Variants in GPR155 observed in about 807,000 individuals in gnomAD.
GPR155 encodes G protein-coupled receptor 155.
Under a neutral mutation model 93.1 loss-of-function variants are expected in GPR155, and 65 were observed. That is an observed-to-expected ratio of 0.70 (90% CI 0.57 to 0.86). The LOEUF is 0.86. Ranked by LOEUF, GPR155 falls within the 40% of genes least tolerant of loss-of-function variation. The pLI is 0.00. For missense variants in GPR155, 838 were observed against 1,034.8 expected (o/e 0.81, Z 2.61); for synonymous variants, 319 against 360.1 (o/e 0.89, Z 1.29).
Position 174,434,332 on chromosome 2 carries a change from G to A in GPR155, c.*1784C>T, listed in dbSNP as rs748002745. On this transcript the variant is annotated 3_prime_UTR_variant, in exon 16 of 16. Coordinates refer to ENST00000392552, the MANE Select transcript of GPR155 (RefSeq NM_152529.7). ...TAGTTTTTTTTTTTTTAACTACAGG[G>A]AATAAAGTAGAAGTTATCCTGCATT... 4.6e-5 allele frequency: 7 copies of A among 150,934 alleles called. No individual in the cohort carries two copies. Among genetic ancestry groups the A allele is most frequent in the Non-Finnish European group, 1.0e-4 (7 of 67,770 alleles). 9.3% of individuals were successfully genotyped at this position (150,934 alleles called of 1,614,324 possible). A position where few individuals can be genotyped will look rare whatever the true frequency, so the allele number is the denominator to read the frequency against.
intron 13 of GPR155, 53 bp downstream of exon 13, chr2:174,445,028 A>T: frequency 1.2e-6 from 1 of 866,926 alleles, no homozygotes; most frequent in Non-Finnish European, 2.0e-6. Flanking sequence ...CCCCCTACCA[A>T]TCAACCTATC....
At chr2:174,484,372 C>T (rs1688414774) in intron 1 of GPR155, among the ~76,000 whole-genome samples, 1 of 152,230 alleles carries the variant, frequency 6.6e-6, no homozygotes, top group Admixed American at 6.5e-5. Flanking sequence ...AAAGGCAGTG[C>T]TAAACAGGAA....
intron 12 of GPR155, among the ~76,000 whole-genome samples, chr2:174,446,309 AAAAAAAAAAAATAAAAAAT>A (rs1687124938): frequency 1.6e-4 from 1 of 6,122 alleles, no homozygotes; most frequent in South Asian, 0.022. Flanking sequence ...TCTGTCTCAA[AAAAAAAAAAAATAAAAAAT>A]AAAAAGAAAT....
intron 10 of GPR155, among the ~76,000 whole-genome samples, chr2:174,457,456 C>G (rs573800445): frequency 6.6e-6 from 1 of 152,228 alleles, no homozygotes; most frequent in East Asian, 1.9e-4. Context: ...ATACTGAAGT[C>G]CTGTCTTAGA....
At position 174,470,371 on chromosome 2, in the gene GPR155, G is replaced by T. The variant is rs766721791; in HGVS notation, c.1026+19C>A. The T allele has an allele frequency of 6.3e-7, 1 of 1,580,462 alleles. No homozygotes were observed. The highest frequency in any genetic ancestry group is 1.2e-5 in the South Asian group (1 of 85,420). ...TCGACTAAACACACCATCAAACTTA[G>T]AAAGTACTATATACATACAATTTCT... On this transcript the variant is annotated intron_variant, in intron 4 of 15. Transcript: ENST00000392552.
Position 174,465,122 on chromosome 2 carries a change from C to T in GPR155, c.1384+663G>A, listed in dbSNP as rs185947586. ...CAATGTGCTACAACATTTTGAATAT[C>T]CTTTTTGGAGCCAGCTGAAATGAGA... On this transcript the variant is annotated intron_variant, in intron 7 of 15. Transcript: ENST00000392552. Among the ~76,000 whole-genome samples the T allele has an allele frequency of 1.6e-3, 242 of 152,274 alleles. 1 individual carries two copies. The highest frequency in any genetic ancestry group is 3.0e-3 in the Non-Finnish European group (201 of 68,024).
At chr2:174,450,371 T>C (rs760804176) in intron 11 of GPR155, among the ~76,000 whole-genome samples, 14 of 152,140 alleles carry the variant, frequency 9.2e-5, no homozygotes, top group Non-Finnish European at 1.8e-4. Context: ...CTGGGTACTA[T>C]GCTTAGTACC....
rs1688041016 is a variant in GPR155, at chr2:174,473,033, C to T, written c.792G>A (p.Met264Ile). ...TCTTCAGTCTCTTTATTTTTCCCACCATCGTGAGACCAAGATAAAATAGGG... is the reference window on the plus strand; with the variant it reads ...TCTTCAGTCTCTTTATTTTTCCCACTATCGTGAGACCAAGATAAAATAGGG... ...GSALFYLGLT[M>I]VGKIKRLKKS... The change falls in exon 3 of 16, where the codon ATG becomes ATA. Residue 264 changes from methionine to isoleucine, a missense_variant. By Grantham distance (10) the Met-to-Ile change is conservative. Coordinates refer to ENST00000392552, the MANE Select transcript of GPR155 (RefSeq NM_152529.7). The T allele has an allele frequency of 1.3e-6, 2 of 1,593,946 alleles. No homozygotes were observed. The highest frequency in any genetic ancestry group is 1.7e-6 in the Non-Finnish European group (2 of 1,175,294).
chr2:174,450,780 A>G (rs1687295213), intron 11 of GPR155, among the ~76,000 whole-genome samples: 1 of 152,216 alleles, frequency 6.6e-6, no homozygotes, highest in African/African-American at 2.4e-5. Context: ...CTCAAGCTAA[A>G]AGAAAAAATT....
Position 174,460,091 on chromosome 2 carries a change from G to A in GPR155, c.1561-3C>T, listed in dbSNP as rs148986024. The A allele has an allele frequency of 5.5e-4, 876 of 1,605,604 alleles. 5 individuals carry two copies. The African/African-American group carries it at 0.01, about 19-fold the overall frequency. ...AGGGTGACTGCTGTGGTGATCATCT[G>A]CCGACATGAAAAAAAGATATCAGGC... On this transcript the variant is annotated splice_polypyrimidine_tract_variant and splice_region_variant and intron_variant, in intron 9 of 15. Coordinates refer to ENST00000392552, the MANE Select transcript of GPR155 (RefSeq NM_152529.7).
At chr2:174,465,959 A>G (rs1687827961) in intron 6 of GPR155, 57 bp from the exon 7 acceptor site, 1 of 733,500 alleles carries the variant, frequency 1.4e-6, no homozygotes, top group African/African-American at 1.8e-5. Flanking sequence ...ATATAATTCA[A>G]TACTGCAACA....
chr2:174,475,474 CT>C (rs1174157526), intron 2 of GPR155, among the ~76,000 whole-genome samples: 1 of 150,654 alleles, frequency 6.6e-6, no homozygotes, highest in African/African-American at 2.4e-5. Context: ...AGAAGGTCAC[CT>C]TTTTCATAAA....
At chr2:174,486,178 A>C (rs1688472643) in intron 1 of GPR155, among the ~76,000 whole-genome samples, 1 of 152,102 alleles carries the variant, frequency 6.6e-6, no homozygotes, top group African/African-American at 2.4e-5. Context: ...ACCCACTCCT[A>C]CCTACTTGCA....
chr2:174,438,780 T>C (rs1426377305), intron 15 of GPR155, among the ~76,000 whole-genome samples: 1 of 152,210 alleles, frequency 6.6e-6, no homozygotes, highest in African/African-American at 2.4e-5. Flanking sequence ...GTGCTGGGAT[T>C]ACAGGCATGA....
intron 1 of GPR155, among the ~76,000 whole-genome samples, chr2:174,484,394 A>T (rs1466116315): frequency 6.6e-6 from 1 of 152,244 alleles, no homozygotes; most frequent in Non-Finnish European, 1.5e-5. Context: ...GTGATAAATT[A>T]ATCCAGTCTT....
In GPR155 at chr2:174,453,722, TCC is replaced by T; in HGVS notation, c.1876+13_1876+14del. 7.5e-7 allele frequency: 1 copy of T among 1,325,284 alleles called. No individual in the cohort carries two copies. Among genetic ancestry groups the T allele is most frequent in the Non-Finnish European group, 1.1e-6 (1 of 917,484 alleles). The allele number at this position is 1,325,284 out of a possible 1,614,324, so 82.1% of individuals were successfully genotyped here. ...CTGTCCCTTAATCCCATCCTCATAG[TCC>T]AGAGGCACTTACTTTTCTCAAACGA... On this transcript the variant is annotated intron_variant, in intron 11 of 15. Coordinates refer to ENST00000392552, the MANE Select transcript of GPR155 (RefSeq NM_152529.7).
At position 174,442,158 on chromosome 2, in the gene GPR155, C is replaced by G; in HGVS notation, c.2135G>C (p.Gly712Ala). The G allele has an allele frequency of 7.2e-7, 1 of 1,382,286 alleles. No homozygotes were observed. The highest frequency in any genetic ancestry group is 1.0e-6 in the Non-Finnish European group (1 of 970,924). 85.6% of individuals were successfully genotyped at this position (1,382,286 alleles called of 1,614,324 possible). ...GQGFISFGIFGLDKHLIILPF... is the reference protein window; with the variant it reads ...GQGFISFGIFALDKHLIILPF... ...CAGGATGATTAAATGTTTATCTAATCCAAAGATTCCAAAGGAAATAAATCC... is the reference window on the plus strand; with the variant it reads ...CAGGATGATTAAATGTTTATCTAATGCAAAGATTCCAAAGGAAATAAATCC... Residue 712 changes from glycine (G) to alanine (A), a missense_variant, in exon 14 of 16, where the codon GGA becomes GCA. Physicochemically the swap from Gly to Ala is moderately conservative, Grantham distance 60. Transcript: ENST00000392552.
Position 174,473,086 on chromosome 2 carries a change from C to T in GPR155, c.739G>A (p.Gly247Arg). ...VPVYVENFLD[G>R]LGNSFSGSAL... is the part of the protein sequence containing the mutation. Reference sequence around the variant, plus strand: ...GATCCAGAAAAAGAATTTCCAAGTCCATCAAGAAAATTTTCGACATATACA... The same window carrying T: ...GATCCAGAAAAAGAATTTCCAAGTCTATCAAGAAAATTTTCGACATATACA... Residue 247 changes from glycine (G) to arginine (R), a missense_variant, in exon 3 of 16, where the codon GGA becomes AGA. Gly to Arg is a moderately radical substitution (Grantham distance 125). Transcript: ENST00000392552. 6.2e-7 allele frequency: 1 copy of T among 1,600,908 alleles called. No homozygotes were observed. The highest frequency in any genetic ancestry group is 8.5e-7 in the Non-Finnish European group (1 of 1,177,112).
chr2:174,467,768 GAGAC>G (rs1244754789), intron 5 of GPR155, among the ~76,000 whole-genome samples: 1 of 152,052 alleles, frequency 6.6e-6, no homozygotes, highest in East Asian at 1.9e-4. Context: ...GTGTGTGTGT[GAGAC>G]AGAGTCTCAC....
Sources: gnomAD v4.1 joint callset for allele counts (sites outside exome capture counted in the v4.1 genomes callset) on GRCh38, gnomAD v4.1.1 for gene constraint, MANE v1.5 for transcripts, NCBI Gene and HGNC (gene_info 2026-07-23, HGNC 2026-07-21) for gene names.